ANK3: variants seen among roughly 807,000 people sequenced by gnomAD.
ANK3 encodes ankyrin-3.
Under a neutral mutation model 370.9 loss-of-function variants are expected in ANK3, and 57 were observed. That is an observed-to-expected ratio of 0.15 (90% CI 0.12 to 0.19). The LOEUF (loss-of-function observed/expected upper bound fraction) is 0.19, where lower values mean the gene tolerates loss of function less well. ANK3 is among the 10% of genes least tolerant of loss of function. The pLI is 1.00. For synonymous variants in ANK3, 1,929 were observed against 1,946.3 expected (o/e 0.99, Z 0.23); for missense variants, 4,439 against 5,302.1 (o/e 0.84, Z 5.06).
chr10:60,583,760 A>G (rs1024807353), intron 2 of ANK3, among the ~76,000 whole-genome samples: 6 of 151,934 alleles, frequency 3.9e-5, no homozygotes, highest in African/African-American at 1.4e-4. Flanking sequence ...TTTTTTGGGT[A>G]TTTTTAGTAG....
chr10:60,520,610 T>C (rs566489427), intron 2 of ANK3, among the ~76,000 whole-genome samples: 45 of 152,252 alleles, frequency 3.0e-4, no homozygotes, highest in African/African-American at 7.5e-4. Flanking sequence ...AATCCTTTAA[T>C]TGAACTTTTG....
intron 12 of ANK3, among the ~76,000 whole-genome samples, 186 bp downstream of exon 12, chr10:60,202,816 G>A (rs985029240): frequency 1.3e-5 from 2 of 152,128 alleles, no homozygotes; most frequent in Non-Finnish European, 2.9e-5. Flanking sequence ...GCTGAGATGG[G>A]AGGAGCACTT....
chr10:60,474,445 C>T (rs1400603106), intron 2 of ANK3, among the ~76,000 whole-genome samples: 1 of 152,126 alleles, frequency 6.6e-6, no homozygotes, highest in South Asian at 2.1e-4. Context: ...ATGAAAGATG[C>T]CTCCGCCTCT....
At chr10:60,482,992 T>C (rs1345836767) in intron 2 of ANK3, among the ~76,000 whole-genome samples, 1 of 152,230 alleles carries the variant, frequency 6.6e-6, no homozygotes, top group African/African-American at 2.4e-5. Flanking sequence ...GAAGAACACA[T>C]GAGCGTCACA....
chr10:60,208,809 C>T (rs182278994), intron 9 of ANK3, among the ~76,000 whole-genome samples: 11 of 152,268 alleles, frequency 7.2e-5, no homozygotes, highest in East Asian at 1.9e-4. Flanking sequence ...CTGAATGTAA[C>T]GCATTTCATC....
At chr10:60,147,184 G>C (rs2094869947) in intron 23 of ANK3, among the ~76,000 whole-genome samples, 1 of 152,174 alleles carries the variant, frequency 6.6e-6, no homozygotes, top group Non-Finnish European at 1.5e-5. Flanking sequence ...ATGTAGCCCA[G>C]GAACTTCTGT....
intron 1 of ANK3, among the ~76,000 whole-genome samples, chr10:60,630,600 A>G (rs1371492083): frequency 1.3e-5 from 2 of 152,206 alleles, no homozygotes; most frequent in Admixed American, 6.5e-5. Flanking sequence ...CAGGTCAGTG[A>G]TCTGGGAGGA....
At chr10:60,261,675 C>T (rs1266195771) in intron 7 of ANK3, among the ~76,000 whole-genome samples, 184 bp downstream of exon 7, 1 of 152,194 alleles carries the variant, frequency 6.6e-6, no homozygotes, top group Non-Finnish European at 1.5e-5. Context: ...GTTTACCTCT[C>T]CTGCTAGGAA....
rs568023886 is a variant in ANK3 at position 60,086,191 on chromosome 10, G to A, written c.3748+486C>T. ...CTGAGCCCTGAATGTTTAAACTCTCGGATTACACTGGCGAGTACAGTAGGT... is the reference window on the plus strand; with the variant it reads ...CTGAGCCCTGAATGTTTAAACTCTCAGATTACACTGGCGAGTACAGTAGGT... On this transcript the variant is annotated intron_variant, in intron 30 of 43. Transcript: ENST00000280772. Among the ~76,000 whole-genome samples the A allele has an allele frequency of 9.9e-5, 15 of 152,142 alleles. No homozygotes were observed. In the South Asian group the frequency reaches 1.5e-3, roughly 15 times the overall value.
chr10:60,043,525 C>A, intron 42 of ANK3: 1 of 985,370 alleles, frequency 1.0e-6, no homozygotes, highest in Non-Finnish European at 1.2e-6. Context: ...CTTTAACTGG[C>A]ACATTGGAAA....
At chr10:60,376,878 T>C (rs1053934650) in intron 1 of ANK3, among the ~76,000 whole-genome samples, 3 of 152,156 alleles carry the variant, frequency 2.0e-5, no homozygotes, top group African/African-American at 7.2e-5. Flanking sequence ...TTAACTGTAG[T>C]TGGAATAAAT....
intron 18 of ANK3, among the ~76,000 whole-genome samples, chr10:60,173,693 A>C (rs989550074): frequency 3.9e-5 from 6 of 152,144 alleles, no homozygotes; most frequent in Admixed American, 2.6e-4. Context: ...GGCTGGTGAG[A>C]GCTCAGGTGG....
At position 60,496,308 on chromosome 10, in the gene ANK3, G is replaced by A. The variant is rs186025550; in HGVS notation, c.96+118878C>T. 2.5e-3 allele frequency among the ~76,000 whole-genome samples: 384 copies of A among 152,230 alleles called. 1 individual carries two copies. Among genetic ancestry groups the A allele is most frequent in the Non-Finnish European group, 5.0e-3 (337 of 68,002 alleles). ...TAAAAATGTCCTTAGACTTTCCCGT[G>A]TATTAAACCAACCTACTCATAACAG... On this transcript the variant is annotated intron_variant, in intron 2 of 43. Coordinates refer to the ANK3 transcript ENST00000373827.
chr10:60,163,461 C>T (rs1215364280), intron 23 of ANK3, among the ~76,000 whole-genome samples: 2 of 152,176 alleles, frequency 1.3e-5, no homozygotes, highest in East Asian at 3.8e-4. Flanking sequence ...AACTTGGCCC[C>T]ATTGTTCTCC....
At chr10:60,451,654 T>C (rs2064605756) in intron 2 of ANK3, among the ~76,000 whole-genome samples, 1 of 152,164 alleles carries the variant, frequency 6.6e-6, no homozygotes, top group Non-Finnish European at 1.5e-5. Flanking sequence ...ATGAATGTGT[T>C]TACAAAGAAC....
chr10:60,348,846 G>A (rs10761489), intron 1 of ANK3, among the ~76,000 whole-genome samples: 106,199 of 152,106 alleles, frequency 0.7, 38,345 homozygotes, highest in South Asian at 0.91. Context: ...AATGATATGC[G>A]CATGATAAGG....
At chr10:60,247,818 T>A (rs1365709756) in intron 7 of ANK3, among the ~76,000 whole-genome samples, 1 of 152,054 alleles carries the variant, frequency 6.6e-6, no homozygotes, top group African/African-American at 2.4e-5. Context: ...CAGGTGCACA[T>A]CACCACACCC....
At chr10:60,031,473 T>C (rs924445330) in intron 43 of ANK3, among the ~76,000 whole-genome samples, 7 of 152,234 alleles carry the variant, frequency 4.6e-5, no homozygotes, top group Non-Finnish European at 1.0e-4. Context: ...TCTTCCCATA[T>C]ATTGTCTCTC....
intron 24 of ANK3, among the ~76,000 whole-genome samples, chr10:60,134,991 T>C (rs746181252): frequency 6.6e-6 from 1 of 152,208 alleles, no homozygotes; most frequent in Non-Finnish European, 1.5e-5. Flanking sequence ...TCTACTGTTG[T>C]CTTTCTAGCT....
Sources: gnomAD v4.1 joint callset for allele counts (sites outside exome capture counted in the v4.1 genomes callset) on GRCh38, gnomAD v4.1.1 for gene constraint, MANE v1.5 for transcripts, NCBI Gene and HGNC (gene_info 2026-07-23, HGNC 2026-07-21) for gene names.